Variants in ANKRD66 observed in about 807,000 individuals in gnomAD.
ANKRD66 encodes ankyrin repeat domain 66, also known as ankyrin repeat domain-containing protein 66.
A neutral mutation model predicts 10.9 loss-of-function variants in ANKRD66; 10 were observed. That is an observed-to-expected ratio of 0.91 (90% CI 0.56 to 1.55). The LOEUF (loss-of-function observed/expected upper bound fraction) is 1.55. Ranked by LOEUF, ANKRD66 falls within the 40% of genes most tolerant of loss-of-function variation. ANKRD66 has a pLI of 0.00. For synonymous variants in ANKRD66, 85 were observed against 88.4 expected (o/e 0.96, Z 0.22); for missense variants, 252 against 242.9 (o/e 1.04, Z -0.25).
chr6:46,749,904 T>C lies in ANKRD66; in HGVS notation c.-88T>C. The C allele has an allele frequency of 6.4e-7, 1 of 1,550,632 alleles. No homozygotes were observed. The highest frequency in any genetic ancestry group is 8.7e-7 in the Non-Finnish European group (1 of 1,146,366). ...TCTTTCTCTCCCTCCAGGGCTGTTC[T>C]CACATTTCAATGCACTCACCTGGAG... On this transcript the variant is annotated 5_prime_UTR_variant, in exon 2 of 5. Coordinates refer to ENST00000565422, the MANE Select transcript of ANKRD66 (RefSeq NM_001162435.3).
At position 46,756,801 on chromosome 6, in the gene ANKRD66, T is replaced by G. The variant is rs1310549125; in HGVS notation, c.393-1922T>G. 5 of 152,234 alleles carry G rather than the reference T, an allele frequency of 3.3e-5. No homozygotes were observed. The East Asian group carries it at 9.6e-4, about 29-fold the overall frequency. The allele number at this position is 152,234 out of a possible 1,614,324, so 9.4% of individuals were successfully genotyped here. On this transcript the variant is annotated intron_variant, in intron 4 of 4. Coordinates refer to ENST00000565422, the MANE Select transcript of ANKRD66 (RefSeq NM_001162435.3). ...TCTTCTCCCTTGTTTTATCTGATGCTATTCTCTTTTAGTTTTTCTTCTACT... is the reference window on the plus strand; with the variant it reads ...TCTTCTCCCTTGTTTTATCTGATGCGATTCTCTTTTAGTTTTTCTTCTACT...
intron 1 of ANKRD66, among the ~76,000 whole-genome samples, chr6:46,747,565 T>C (rs185494370): frequency 6.6e-6 from 1 of 152,352 alleles, no homozygotes; most frequent in Non-Finnish European, 1.5e-5. Flanking sequence ...TATGTGGTCT[T>C]CTGTAACTGG....
At chr6:46,750,070 C>T (rs1766234969) in intron 2 of ANKRD66, 91 bp downstream of exon 2, 2 of 686,062 alleles carry the variant, frequency 2.9e-6, no homozygotes, top group East Asian at 5.8e-5. Context: ...AAGTTGACTC[C>T]AGCTCCTTCT....
intron 4 of ANKRD66, among the ~76,000 whole-genome samples, chr6:46,755,094 A>G (rs927649896): frequency 6.6e-6 from 1 of 152,130 alleles, no homozygotes; most frequent in Admixed American, 6.5e-5. Context: ...CTCCTAATCT[A>G]TCACCTTCCT....
chr6:46,748,874 A>C (rs1461892350), intron 1 of ANKRD66, among the ~76,000 whole-genome samples: 2 of 152,224 alleles, frequency 1.3e-5, no homozygotes, highest in African/African-American at 4.8e-5. Flanking sequence ...TAAGTGAGCT[A>C]GTACCGTTGT....
At chr6:46,758,622 C>T in intron 4 of ANKRD66, 101 bp from the exon 5 acceptor site, 1 of 1,185,824 alleles carries the variant, frequency 8.4e-7, no homozygotes, top group Non-Finnish European at 1.1e-6. Context: ...CCTTCCTTCT[C>T]AACTGAACTG....
intron 2 of ANKRD66, among the ~76,000 whole-genome samples, chr6:46,750,711 A>T (rs955674251): frequency 1.3e-5 from 2 of 149,026 alleles, no homozygotes; most frequent in African/African-American, 4.9e-5. Flanking sequence ...GTGTGTACAT[A>T]TAATATACAC....
chr6:46,750,027 AG>A, intron 2 of ANKRD66, 48 bp downstream of exon 2: 1 of 990,052 alleles, frequency 1.0e-6, no homozygotes, highest in Non-Finnish European at 1.6e-6. Context: ...ACAAGTTCCC[AG>A]GGGCTGCTGC....
At chr6:46,755,281 C>G (rs141021124) in intron 4 of ANKRD66, among the ~76,000 whole-genome samples, 4 of 152,198 alleles carry the variant, frequency 2.6e-5, no homozygotes, top group Admixed American at 1.3e-4. Flanking sequence ...GAAAATCCCA[C>G]GTCAATATAT....
Position 46,758,978 on chromosome 6 carries a change from G to C in ANKRD66, c.*57G>C. ...TTTCCCTGGTGCCAGAAATGAGGCT[G>C]TTAGGCATGGTGGCCTTTCCATGAC... On this transcript the variant is annotated 3_prime_UTR_variant, in exon 5 of 5. Coordinates refer to ENST00000565422, the MANE Select transcript of ANKRD66 (RefSeq NM_001162435.3). 6.8e-7 allele frequency: 1 copy of C among 1,468,476 alleles called. No individual in the cohort carries two copies. 91.0% of individuals were successfully genotyped at this position (1,468,476 alleles called of 1,614,324 possible). A position where few individuals can be genotyped will look rare whatever the true frequency, so the allele number is the denominator to read the frequency against.
At chr6:46,751,873 T>C in intron 2 of ANKRD66, 64 bp from the exon 3 acceptor site, 1 of 1,356,120 alleles carries the variant, frequency 7.4e-7, no homozygotes, top group Non-Finnish European at 9.6e-7. Context: ...CAGAAGTCTA[T>C]GGGATTACTC....
intron 1 of ANKRD66, among the ~76,000 whole-genome samples, chr6:46,748,735 G>A (rs1012037151): frequency 1.3e-5 from 2 of 152,138 alleles, no homozygotes; most frequent in African/African-American, 4.8e-5. Context: ...ATCCACTGCT[G>A]ATTCTCATGT....
rs981496427 is a variant in ANKRD66, at chr6:46,753,959, A to AT, written c.392+17dup. 15 of 1,548,412 alleles carry AT rather than the reference A, an allele frequency of 9.7e-6. No homozygotes were observed. The highest frequency in any genetic ancestry group is 1.7e-4 in the Middle Eastern group (1 of 5,998). ...GTGGCATTTCTGGAAAAGTAAGTTT[A>AT]TTTTTTTTCCACCTATAGAAGGAGC... On this transcript the variant is annotated intron_variant, in intron 4 of 4. Transcript: ENST00000565422.
At chr6:46,748,655 A>G (rs1766195032) in intron 1 of ANKRD66, among the ~76,000 whole-genome samples, 1 of 152,138 alleles carries the variant, frequency 6.6e-6, no homozygotes, top group Non-Finnish European at 1.5e-5. Context: ...AACATGCCCA[A>G]TCCTTGTCCT....
intron 3 of ANKRD66, among the ~76,000 whole-genome samples, chr6:46,753,411 C>T (rs2150727345): frequency 6.6e-6 from 1 of 152,242 alleles, no homozygotes; most frequent in South Asian, 2.1e-4. Context: ...TATAGTGTGG[C>T]TTGGGAGAGA....
chr6:46,752,218 A>T (rs1374469281), intron 3 of ANKRD66, 107 bp downstream of exon 3: 4 of 1,216,726 alleles, frequency 3.3e-6, no homozygotes, highest in Non-Finnish European at 3.2e-6. Context: ...CTTTAGAGCC[A>T]GTTGGAAACT....
At chr6:46,753,592 G>A in intron 3 of ANKRD66, 130 bp from the exon 4 acceptor site, 1 of 810,432 alleles carries the variant, frequency 1.2e-6, no homozygotes, top group Non-Finnish European at 1.9e-6. Flanking sequence ...AGGGGATGAT[G>A]ATAGGAAACT....
At chr6:46,751,626 G>A (rs549350312) in intron 2 of ANKRD66, among the ~76,000 whole-genome samples, 2 of 152,124 alleles carry the variant, frequency 1.3e-5, no homozygotes, top group South Asian at 4.1e-4. Flanking sequence ...ACTAACGTAA[G>A]GGAACACTAC....
chr6:46,748,719 T>C (rs893468228), intron 1 of ANKRD66, among the ~76,000 whole-genome samples: 11 of 152,166 alleles, frequency 7.2e-5, no homozygotes, highest in African/African-American at 2.7e-4. Flanking sequence ...ATCTGTATTT[T>C]TGAAAATCCA....
Sources: allele counts gnomAD v4.1 joint callset (sites outside exome capture counted in the v4.1 genomes callset), GRCh38; gene constraint gnomAD v4.1.1; transcripts MANE v1.5; gene names NCBI Gene and HGNC (gene_info 2026-07-23, HGNC 2026-07-21).